Variants in LYPD6B observed in about 807,000 individuals in gnomAD.
LYPD6B encodes ly6/PLAUR domain-containing protein 6B.
A neutral mutation model predicts 22.8 loss-of-function variants in LYPD6B; 17 were observed. The observed-to-expected ratio is 0.75, with a 90% confidence interval of 0.51 to 1.12. LYPD6B has a LOEUF of 1.12. Among genes scored for constraint, LYPD6B ranks in the 50% most tolerant of loss-of-function variants. LYPD6B has a pLI of 0.00. For missense variants in LYPD6B, 221 were observed against 258.3 expected (o/e 0.86, Z 0.99); for synonymous variants, 106 against 91.6 (o/e 1.16, Z -0.90).
At chr2:149,094,469 G>A (rs1377781909) in intron 1 of LYPD6B, among the ~76,000 whole-genome samples, 2 of 152,172 alleles carry the variant, frequency 1.3e-5, no homozygotes, top group African/African-American at 4.8e-5. Context: ...CCCCAGGCTG[G>A]TGGAAATGAA....
intron 3 of LYPD6B, among the ~76,000 whole-genome samples, chr2:149,171,555 A>G (rs1028200526): frequency 6.7e-6 from 1 of 149,216 alleles, no homozygotes; most frequent in African/African-American, 2.4e-5. Context: ...CTATATCCCC[A>G]GCCTATTTTC....
In LYPD6B at chr2:149,205,317, A is replaced by G; in HGVS notation, c.142A>G (p.Ile48Val). Residue 48 changes from isoleucine to valine, a missense_variant, in exon 4 of 7, where the codon ATA becomes GTA. Coordinates refer to ENST00000409642, the MANE Select transcript of LYPD6B (RefSeq NM_177964.5). ...SMLLLCHALA[I>V]AVVQIVIFSE... ...GCTGCTCCTCTGTCACGCTCTCGCT[A>G]TAGCTGTTGTCCAGATCGTTATCTT... is the stretch of plus-strand genomic sequence containing the variant. 2.5e-6 allele frequency: 4 copies of G among 1,613,994 alleles called. No homozygotes were observed. Among genetic ancestry groups the G allele is most frequent in the African/African-American group, 1.3e-5 (1 of 75,042 alleles).
intron 1 of LYPD6B, among the ~76,000 whole-genome samples, chr2:149,129,459 T>C (rs1166699307): frequency 6.6e-6 from 1 of 152,182 alleles, no homozygotes; most frequent in Non-Finnish European, 1.5e-5. Context: ...CCTCAAACTC[T>C]CTATCTGAAA....
At chr2:149,102,733 G>T (rs1195658717) in intron 1 of LYPD6B, among the ~76,000 whole-genome samples, 1 of 152,080 alleles carries the variant, frequency 6.6e-6, no homozygotes, top group Non-Finnish European at 1.5e-5. Flanking sequence ...GGGTTGAAGC[G>T]ATTCTCCTGT....
intron 1 of LYPD6B, among the ~76,000 whole-genome samples, chr2:149,103,388 T>C (rs577771555): frequency 6.6e-6 from 1 of 152,336 alleles, no homozygotes; most frequent in South Asian, 2.1e-4. Flanking sequence ...TCCTAAATGC[T>C]GTTCAAGAAA....
At chr2:149,170,450 A>G (rs1173805458) in intron 3 of LYPD6B, among the ~76,000 whole-genome samples, 2 of 152,098 alleles carry the variant, frequency 1.3e-5, no homozygotes, top group African/African-American at 2.4e-5. Context: ...TCTCTGTGCT[A>G]TGTCCTGTTG....
chr2:149,141,542 T>C (rs908956690), intron 2 of LYPD6B, among the ~76,000 whole-genome samples: 6 of 152,226 alleles, frequency 3.9e-5, no homozygotes, highest in Admixed American at 6.5e-5. Context: ...ATTACTGATA[T>C]ATTGAATTTT....
rs148861558 is a variant in LYPD6B at position 149,149,160 on chromosome 2, AT to A, written c.6-11603del. ...AGAGTTCTATTAGGTTGATGAAAAA[AT>A]AATTGCAGTTTTCACCATTAAAAGT... On this transcript the variant is annotated intron_variant, in intron 2 of 6. Coordinates refer to ENST00000409642, the MANE Select transcript of LYPD6B (RefSeq NM_177964.5). Among the ~76,000 whole-genome samples, 1,353 of 152,272 alleles carry A rather than the reference AT, an allele frequency of 8.9e-3. 17 individuals are homozygous for A. Among genetic ancestry groups the A allele is most frequent in the African/African-American group, 0.031 (1,305 of 41,556 alleles).
rs868255522 is a variant in LYPD6B at position 149,208,262 on chromosome 2, G to A, written c.230-52G>A. On this transcript the variant is annotated intron_variant, in intron 4 of 6. Coordinates refer to ENST00000409642, the MANE Select transcript of LYPD6B (RefSeq NM_177964.5). Reference sequence around the variant, plus strand: ...TCATTTTGTACCATGTTTGATGTTCGAAATTTTTGTCTTCTGTAGCTTACT... The same window carrying A: ...TCATTTTGTACCATGTTTGATGTTCAAAATTTTTGTCTTCTGTAGCTTACT... 7.4e-5 allele frequency: 104 copies of A among 1,399,636 alleles called. 1 individual carries two copies. In the Middle Eastern group the frequency reaches 3.2e-3, roughly 43 times the overall value. 86.7% of individuals were successfully genotyped at this position (1,399,636 alleles called of 1,614,324 possible).
chr2:149,151,091 T>G (rs1689342465), intron 2 of LYPD6B, among the ~76,000 whole-genome samples: 1 of 152,212 alleles, frequency 6.6e-6, no homozygotes, highest in South Asian at 2.1e-4. Context: ...TTGTTATTTT[T>G]GGCCCCACTT....
At chr2:149,041,024 T>C (rs1683056977) in intron 1 of LYPD6B, among the ~76,000 whole-genome samples, 1 of 146,054 alleles carries the variant, frequency 6.8e-6, no homozygotes, top group Non-Finnish European at 1.5e-5. Flanking sequence ...TAGTGAAGAC[T>C]CCCCAAAGAA....
intron 3 of LYPD6B, among the ~76,000 whole-genome samples, chr2:149,199,619 G>A (rs1356259025): frequency 7.9e-5 from 12 of 152,126 alleles, no homozygotes; most frequent in East Asian, 1.9e-4. Flanking sequence ...AGATCTAATC[G>A]TCAGATCAAG....
intron 1 of LYPD6B, among the ~76,000 whole-genome samples, chr2:149,085,452 G>C (rs1194075619): frequency 6.6e-6 from 1 of 152,266 alleles, no homozygotes; most frequent in Non-Finnish European, 1.5e-5. Flanking sequence ...CGAGTGGGAA[G>C]GGGTGGCTTA....
chr2:149,136,747 A>G (rs1688395333), intron 2 of LYPD6B, among the ~76,000 whole-genome samples: 1 of 152,228 alleles, frequency 6.6e-6, no homozygotes, highest in Admixed American at 6.5e-5. Flanking sequence ...TATTTCGTGA[A>G]AAAAATGTGA....
chr2:149,145,990 G>A (rs929982204), intron 2 of LYPD6B, among the ~76,000 whole-genome samples: 13 of 152,168 alleles, frequency 8.5e-5, no homozygotes, highest in Admixed American at 7.9e-4. Context: ...AAGATAAGGT[G>A]TGCAAACTAG....
intron 3 of LYPD6B, among the ~76,000 whole-genome samples, chr2:149,173,178 G>GT (rs35671707): frequency 1.0e-4 from 15 of 149,614 alleles, no homozygotes; most frequent in African/African-American, 3.0e-4. Context: ...CTATTACTGT[G>GT]TTTTTTTTTT....
chr2:149,077,688 C>T (rs963085703), intron 1 of LYPD6B: 1 of 152,090 alleles, frequency 6.6e-6, no homozygotes, highest in Non-Finnish European at 1.5e-5. Context: ...TTATAATTGC[C>T]CCAATTTTAA....
At chr2:149,050,058 C>T (rs560130509) in intron 1 of LYPD6B, among the ~76,000 whole-genome samples, 9 of 152,186 alleles carry the variant, frequency 5.9e-5, no homozygotes, top group Non-Finnish European at 1.2e-4. Context: ...ATTCCCCTTG[C>T]CCCCAGGTCA....
intron 1 of LYPD6B, among the ~76,000 whole-genome samples, chr2:149,083,053 C>T (rs542578871): frequency 5.3e-5 from 8 of 152,302 alleles, no homozygotes; most frequent in South Asian, 2.1e-4. Context: ...CAAAAATCCA[C>T]GTCTCCAGGC....
Sources: gnomAD v4.1 joint callset for allele counts (sites outside exome capture counted in the v4.1 genomes callset) on GRCh38, gnomAD v4.1.1 for gene constraint, MANE v1.5 for transcripts, NCBI Gene and HGNC (gene_info 2026-07-23, HGNC 2026-07-21) for gene names.